The following ARMC8 variants were observed in gnomAD, a reference collection of about 807,000 sequenced individuals.
ARMC8 encodes the protein armadillo repeat-containing protein 8.
ARMC8 carries 20 observed loss-of-function variants against 99.3 expected under a neutral mutation model. The observed-to-expected ratio is 0.20, with a 90% CI of 0.14 to 0.29. The LOEUF (loss-of-function observed/expected upper bound fraction) is 0.29, where lower values mean the gene tolerates loss of function less well. Ranked by LOEUF, ARMC8 falls within the 10% of genes least tolerant of loss-of-function variation. The pLI, the probability that ARMC8 is intolerant of heterozygous loss-of-function variation, is 1.00. For missense variants in ARMC8, 569 were observed against 809.5 expected, an observed-to-expected ratio of 0.70 and a Z score of 3.60; for synonymous variants, 263 against 278.3, an observed-to-expected ratio of 0.95 and a Z score of 0.55.
rs1416707388 is a variant in ARMC8 at position 138,187,537 on chromosome 3, C to T, written c.-18C>T. The T allele has an allele frequency of 7.8e-6, 12 of 1,535,406 alleles. No individual in the cohort carries two copies. The highest frequency in any genetic ancestry group is 1.0e-5 in the Non-Finnish European group (12 of 1,146,514). On this transcript the variant is annotated 5_prime_UTR_variant, in exon 1 of 22. Transcript: ENST00000469044. ...CCCCCGCGCCGGCGCCTGCAGCAGC[C>T]GGGTGGGAAGGCTCAAGATGGCGTG...
chr3:138,290,702 G>A, intron 21 of ARMC8, 63 bp downstream of exon 21: 2 of 1,090,540 alleles, frequency 1.8e-6, no homozygotes, highest in Non-Finnish European at 2.7e-6. Flanking sequence ...GAAAGGGTTT[G>A]AATTGCTTGG....
In ARMC8 at chr3:138,237,152, A is replaced by G. The variant is rs532651231; in HGVS notation, c.610-157A>G. ...TTTATAGTTAATTTTAACTTACTGT[A>G]CTCTGCAGCTGTACAGGTGTTATTG... On this transcript the variant is annotated intron_variant, in intron 7 of 21. Transcript: ENST00000469044. 3.2e-5 allele frequency: 20 copies of G among 623,898 alleles called. No individual in the cohort carries two copies. In the East Asian group the frequency reaches 3.7e-4, roughly 12 times the overall value. The allele number at this position is 623,898 out of a possible 1,614,324, so 38.6% of individuals were successfully genotyped here.
At chr3:138,258,661 C>G (rs1370296777) in intron 12 of ARMC8, among the ~76,000 whole-genome samples, 1 of 152,208 alleles carries the variant, frequency 6.6e-6, no homozygotes, top group African/African-American at 2.4e-5. Flanking sequence ...GATCCTTATC[C>G]ACTCCTGCAA....
At chr3:138,286,894 G>A (rs2050480347) in intron 19 of ARMC8, among the ~76,000 whole-genome samples, 1 of 152,180 alleles carries the variant, frequency 6.6e-6, no homozygotes, top group African/African-American at 2.4e-5. Context: ...CCATGTGGCT[G>A]TCTGATAGCA....
intron 21 of ARMC8, among the ~76,000 whole-genome samples, chr3:138,294,008 T>C (rs2051235327): frequency 6.6e-6 from 1 of 152,098 alleles, no homozygotes; most frequent in South Asian, 2.1e-4. Context: ...CCAAAACCAT[T>C]CTTCTAAAAA....
At chr3:138,279,781 G>A (rs1480876655) in intron 18 of ARMC8, among the ~76,000 whole-genome samples, 2 of 152,192 alleles carry the variant, frequency 1.3e-5, no homozygotes, top group East Asian at 3.9e-4. Flanking sequence ...GTCTTTCAAG[G>A]AATTTGTTCA....
chr3:138,231,946 C>G (rs1018580064), intron 6 of ARMC8, among the ~76,000 whole-genome samples: 3 of 103,900 alleles, frequency 2.9e-5, no homozygotes, highest in Non-Finnish European at 5.8e-5. Context: ...GCCACTAATT[C>G]TTTCCTTGCA....
Position 138,281,170 on chromosome 3 carries a change from G to C in ARMC8, c.1726-3261G>C, listed in dbSNP as rs191422131. ...CTCTGCTCTATTTCCTTGATTTCCA[G>C]TTGTTCATATTAGTATATACACTAA... On this transcript the variant is annotated intron_variant, in intron 18 of 21. Transcript: ENST00000469044. Among the ~76,000 whole-genome samples the C allele has an allele frequency of 2.9e-3, 444 of 152,122 alleles. 1 individual carries two copies. The highest frequency in any genetic ancestry group is 0.01 in the Middle Eastern group (3 of 294).
intron 1 of ARMC8, among the ~76,000 whole-genome samples, chr3:138,203,580 A>G (rs1191667712): frequency 6.6e-6 from 1 of 152,214 alleles, no homozygotes; most frequent in African/African-American, 2.4e-5. Context: ...GGGAGGGGGC[A>G]GGGAGAACTT....
At chr3:138,209,001 C>G (rs966003483) in intron 1 of ARMC8, among the ~76,000 whole-genome samples, 9 of 152,146 alleles carry the variant, frequency 5.9e-5, no homozygotes, top group African/African-American at 1.7e-4. Flanking sequence ...AGTGTGACAA[C>G]TCCTTTATTT....
intron 2 of ARMC8, among the ~76,000 whole-genome samples, chr3:138,217,032 A>C (rs2045089161): frequency 6.6e-6 from 1 of 152,166 alleles, no homozygotes; most frequent in Non-Finnish European, 1.5e-5. Context: ...ATTATTCAGT[A>C]CAGTAACATG....
In ARMC8 at chr3:138,273,062, G is replaced by T. The variant is rs769789020; in HGVS notation, c.1575G>T (p.Leu525Phe). The change falls in exon 17 of 22, where the codon TTG (leucine) becomes TTT (phenylalanine). Residue 525 changes from leucine (L) to phenylalanine (F), a missense_variant. Coordinates refer to ENST00000469044, the MANE Select transcript of ARMC8 (RefSeq NM_001363941.2). ...TCCGGTTATTATCAGATTCAGATTT[G>T]AATGTGCTGATGAAGACATTGGGAC... Reference protein sequence around the residue: ...QLFRLLSDSDLNVLMKTLGLL... With the variant: ...QLFRLLSDSDFNVLMKTLGLL... 6.2e-7 allele frequency: 1 copy of T among 1,613,486 alleles called. No individual in the cohort carries two copies. The highest frequency in any genetic ancestry group is 1.7e-5 in the Admixed American group (1 of 59,958).
At chr3:138,280,522 C>T (rs537852159) in intron 18 of ARMC8, among the ~76,000 whole-genome samples, 56 of 147,526 alleles carry the variant, frequency 3.8e-4, no homozygotes, top group Admixed American at 2.1e-3. Context: ...GAGACAGTCT[C>T]TCGCTCTGTC....
At chr3:138,270,688 A>G (rs1560023111) in intron 16 of ARMC8, among the ~76,000 whole-genome samples, 1 of 152,146 alleles carries the variant, frequency 6.6e-6, no homozygotes, top group Non-Finnish European at 1.5e-5. Context: ...ATATTTAACC[A>G]TTTTTTGCAG....
At chr3:138,253,811 G>A (rs549536988) in intron 12 of ARMC8, among the ~76,000 whole-genome samples, 2 of 152,126 alleles carry the variant, frequency 1.3e-5, no homozygotes, top group Non-Finnish European at 2.9e-5. Context: ...ACACTAAATT[G>A]CTATGTAGTA....
At chr3:138,194,724 T>G (rs1452758378) in intron 1 of ARMC8, among the ~76,000 whole-genome samples, 1 of 152,120 alleles carries the variant, frequency 6.6e-6, no homozygotes, top group East Asian at 1.9e-4. Context: ...TGTTCTGTTC[T>G]CTACAGTTAT....
intron 11 of ARMC8, among the ~76,000 whole-genome samples, chr3:138,242,253 CA>C (rs1309371276): frequency 3.1e-4 from 47 of 152,282 alleles, no homozygotes; most frequent in Admixed American, 2.7e-3. Flanking sequence ...GTGGATTCTC[CA>C]AGCTGGGTAT....
In ARMC8 at chr3:138,190,126, GTCTTACACTC is replaced by G. The variant is rs1486667398; in HGVS notation, c.45+2530_45+2539del. 2.0e-5 allele frequency among the ~76,000 whole-genome samples: 3 copies of G among 151,924 alleles called. No homozygotes were observed. The South Asian group carries it at 6.3e-4, about 32-fold the overall frequency. On this transcript the variant is annotated intron_variant, in intron 1 of 21. Transcript: ENST00000469044. Reference sequence around the variant, plus strand: ...TTTAATTATTTTTACTGTCTTTAATGTCTTACACTCTCAGTGCAAGTCCATGTCTACTTAA... The same window carrying G: ...TTTAATTATTTTTACTGTCTTTAATGTCAGTGCAAGTCCATGTCTACTTAA...
intron 18 of ARMC8, among the ~76,000 whole-genome samples, chr3:138,276,681 A>G (rs1560033835): frequency 6.6e-6 from 1 of 152,242 alleles, no homozygotes; most frequent in Non-Finnish European, 1.5e-5. Context: ...AGTAACTTAG[A>G]AAAAAATGAA....
Sources: allele counts gnomAD v4.1 joint callset (sites outside exome capture counted in the v4.1 genomes callset), GRCh38; gene constraint gnomAD v4.1.1; transcripts MANE v1.5; gene names NCBI Gene and HGNC (gene_info 2026-07-23, HGNC 2026-07-21).